DPP8: variants seen among roughly 807,000 people sequenced by gnomAD.
DPP8 encodes the protein DPP VIII.
In DPP8, 31 loss-of-function variants were observed where a neutral mutation model predicts 107.5. The ratio of observed to expected loss-of-function variants is 0.29; its 90% CI spans 0.22 to 0.39. The LOEUF is 0.39. DPP8 is among the 10% of genes least tolerant of loss of function. The pLI is 1.00. For synonymous variants in DPP8, 381 were observed against 356.6 expected (o/e 1.07, Z -0.77); for missense variants, 842 against 1,076.1 (o/e 0.78, Z 3.04).
At chr15:65,487,618 TG>T in intron 7 of DPP8, 71 bp downstream of exon 7, 1 of 1,473,196 alleles carries the variant, frequency 6.8e-7, no homozygotes, top group South Asian at 1.2e-5. Flanking sequence ...GCTACACCTT[TG>T]GATGACTACA....
chr15:65,462,595 AT>A (rs1039512867), intron 15 of DPP8, among the ~76,000 whole-genome samples: 1 of 151,954 alleles, frequency 6.6e-6, no homozygotes, highest in African/African-American at 2.4e-5. Flanking sequence ...AAATATATAT[AT>A]TTTGGACAGA....
intron 8 of DPP8, among the ~76,000 whole-genome samples, chr15:65,482,921 C>A (rs2067063462): frequency 6.6e-6 from 1 of 151,238 alleles, no homozygotes; most frequent in South Asian, 2.1e-4. Flanking sequence ...ACGGTGAAAC[C>A]CTGTCTCTAC....
At chr15:65,482,686 C>A (rs1206197906) in intron 8 of DPP8, among the ~76,000 whole-genome samples, 2 of 152,140 alleles carry the variant, frequency 1.3e-5, no homozygotes, top group African/African-American at 4.8e-5. Flanking sequence ...TGCAAAGGAT[C>A]TGAATAGACA....
chr15:65,487,234 C>G (rs903102283), intron 7 of DPP8, among the ~76,000 whole-genome samples: 11 of 151,976 alleles, frequency 7.2e-5, no homozygotes, highest in African/African-American at 2.7e-4. Context: ...ACTACAACCT[C>G]TGCCTCTTGG....
chr15:65,480,536 T>C, intron 9 of DPP8, 137 bp from the exon 10 acceptor site: 1 of 534,954 alleles, frequency 1.9e-6, no homozygotes, highest in South Asian at 3.8e-5. Flanking sequence ...TATTAAATTA[T>C]CACTTACAAA....
At chr15:65,468,477 G>C (rs2140513624) in intron 12 of DPP8, among the ~76,000 whole-genome samples, 1 of 146,056 alleles carries the variant, frequency 6.8e-6, no homozygotes, top group African/African-American at 2.6e-5. Context: ...CTGGGCAACA[G>C]AGCAAGACCC....
chr15:65,516,001 T>G (rs1192007875), intron 1 of DPP8: 1 of 435,268 alleles, frequency 2.3e-6, no homozygotes, highest in Non-Finnish European at 4.0e-6. Context: ...TAGCCCAATA[T>G]AGTCAAAAGA....
chr15:65,509,931 G>A lies in DPP8; in HGVS notation c.259+2364C>T, dbSNP rs916189578. Reference sequence around the variant, plus strand: ...AGCTACTTGGGAGGCTGAGATGGGAGGATGGCTTAAGCCTGGGAGGTGGAG... The same window carrying A: ...AGCTACTTGGGAGGCTGAGATGGGAAGATGGCTTAAGCCTGGGAGGTGGAG... On this transcript the variant is annotated intron_variant, in intron 2 of 19. Transcript: ENST00000300141. Among the ~76,000 whole-genome samples the A allele has an allele frequency of 1.3e-5, 2 of 152,148 alleles. 1 individual carries two copies. The highest frequency in any genetic ancestry group is 4.8e-5 in the African/African-American group (2 of 41,420).
chr15:65,462,178 A>G (rs567231339), intron 15 of DPP8, among the ~76,000 whole-genome samples: 26 of 152,054 alleles, frequency 1.7e-4, no homozygotes, highest in Admixed American at 7.2e-4. Flanking sequence ...CATGTTGGCC[A>G]GGCTGGTCTT....
At chr15:65,485,832 G>A (rs983138223) in intron 7 of DPP8, among the ~76,000 whole-genome samples, 1 of 151,872 alleles carries the variant, frequency 6.6e-6, no homozygotes, top group South Asian at 2.1e-4. Flanking sequence ...AGTGGCTCAC[G>A]CCTGTAATCC....
rs1280733864 is a variant in DPP8, at chr15:65,446,295, C to A, written c.*589G>T. 2.6e-5 allele frequency: 4 copies of A among 151,858 alleles called. No individual in the cohort carries two copies. The highest frequency in any genetic ancestry group is 4.4e-5 in the Non-Finnish European group (3 of 67,906). The allele number at this position is 151,858 out of a possible 1,614,324, so 9.4% of individuals were successfully genotyped here. Reference sequence around the variant, plus strand: ...AAATTGGCTAAAAACTGGTCAGTGCCAAAACAAGTGTCTTTAGGAGGCCAC... The same window carrying A: ...AAATTGGCTAAAAACTGGTCAGTGCAAAAACAAGTGTCTTTAGGAGGCCAC... On this transcript the variant is annotated 3_prime_UTR_variant, in exon 20 of 20. Coordinates refer to ENST00000300141, the MANE Select transcript of DPP8 (RefSeq NM_130434.5).
In DPP8 at chr15:65,443,648, G is replaced by C. The variant is rs2063380286; in HGVS notation, c.*3236C>G. ...TTCCAAAATTAATCTCCAGACAAAGGGGATAGAAACAAAGTAAACAACATC... is the reference window on the plus strand; with the variant it reads ...TTCCAAAATTAATCTCCAGACAAAGCGGATAGAAACAAAGTAAACAACATC... On this transcript the variant is annotated 3_prime_UTR_variant, in exon 20 of 20. Coordinates refer to ENST00000300141, the MANE Select transcript of DPP8 (RefSeq NM_130434.5). 6.6e-6 allele frequency: 1 copy of C among 152,124 alleles called. No individual in the cohort carries two copies. Among genetic ancestry groups the C allele is most frequent in the South Asian group, 2.1e-4 (1 of 4,830 alleles). The allele number at this position is 152,124 out of a possible 1,614,324, so 9.4% of individuals were successfully genotyped here. A position where few individuals can be genotyped will look rare whatever the true frequency, so the allele number is the denominator to read the frequency against.
intron 15 of DPP8, among the ~76,000 whole-genome samples, chr15:65,459,180 TG>T (rs1388051569): frequency 1.3e-5 from 2 of 150,818 alleles, no homozygotes; most frequent in Non-Finnish European, 3.0e-5. Context: ...CAGATTCTTC[TG>T]TTTCTTCTCT....
At chr15:65,504,996 T>C (rs540872252) in intron 3 of DPP8, among the ~76,000 whole-genome samples, 1 of 152,100 alleles carries the variant, frequency 6.6e-6, no homozygotes, top group African/African-American at 2.4e-5. Flanking sequence ...AAAAAAAGAA[T>C]TTGTATACTT....
In DPP8 at chr15:65,445,591, T is replaced by A. The variant is rs539279988; in HGVS notation, c.*1293A>T. On this transcript the variant is annotated 3_prime_UTR_variant, in exon 20 of 20. Coordinates refer to ENST00000300141, the MANE Select transcript of DPP8 (RefSeq NM_130434.5). ...CCATGGCTTGCCAGGGATTAGTTTA[T>A]GGTAAAGAGGTTATCTATAAACATT... 2.0e-5 allele frequency: 3 copies of A among 153,618 alleles called. No homozygotes were observed. Among genetic ancestry groups the A allele is most frequent in the Non-Finnish European group, 2.9e-5 (2 of 68,026 alleles). 9.5% of individuals were successfully genotyped at this position (153,618 alleles called of 1,614,324 possible).
At position 65,444,260 on chromosome 15, in the gene DPP8, T is replaced by A. The variant is rs564041737; in HGVS notation, c.*2624A>T. ...TAAGAGTGAGATTCAAAACTCTACATTTCTTTTAGAAGTATCCCAGATGAA... is the reference window on the plus strand; with the variant it reads ...TAAGAGTGAGATTCAAAACTCTACAATTCTTTTAGAAGTATCCCAGATGAA... On this transcript the variant is annotated 3_prime_UTR_variant, in exon 20 of 20. Coordinates refer to ENST00000300141, the MANE Select transcript of DPP8 (RefSeq NM_130434.5). 1 of 152,234 alleles carries A rather than the reference T, an allele frequency of 6.6e-6. No individual in the cohort carries two copies. Among genetic ancestry groups the A allele is most frequent in the Non-Finnish European group, 1.5e-5 (1 of 68,050 alleles). 9.4% of individuals were successfully genotyped at this position (152,234 alleles called of 1,614,324 possible).
intron 12 of DPP8, among the ~76,000 whole-genome samples, chr15:65,468,486 C>T (rs899268166): frequency 7.4e-6 from 1 of 134,710 alleles, no homozygotes; most frequent in Non-Finnish European, 1.6e-5. Context: ...AGAGCAAGAC[C>T]CTTATCTCAA....
chr15:65,474,187 T>A (rs747434455), intron 12 of DPP8, 22 bp downstream of exon 12: 3 of 1,540,696 alleles, frequency 1.9e-6, no homozygotes, highest in Non-Finnish European at 2.7e-6. Flanking sequence ...ACCAAACATA[T>A]CAGTAGAATA....
chr15:65,486,719 G>A (rs1367561709), intron 7 of DPP8, among the ~76,000 whole-genome samples: 7 of 152,182 alleles, frequency 4.6e-5, no homozygotes, highest in African/African-American at 1.4e-4. Flanking sequence ...TATTCTAAGT[G>A]AAGTAACTCA....
Sources: allele counts gnomAD v4.1 joint callset (sites outside exome capture counted in the v4.1 genomes callset), GRCh38; gene constraint gnomAD v4.1.1; transcripts MANE v1.5; gene names NCBI Gene and HGNC (gene_info 2026-07-23, HGNC 2026-07-21).